The following DYRK4 variants were observed in gnomAD, a reference collection of about 807,000 sequenced individuals.
DYRK4 encodes the protein dual specificity tyrosine phosphorylation regulated kinase 4, also known as dual specificity tyrosine-phosphorylation-regulated kinase 4.
In DYRK4, 64 loss-of-function variants were observed where a neutral mutation model predicts 68.3. The ratio of observed to expected loss-of-function variants is 0.94; its 90% CI spans 0.77 to 1.15. DYRK4 has a LOEUF of 1.15. Ranked by LOEUF, DYRK4 falls within the 50% of genes most tolerant of loss-of-function variation. The pLI is 0.00. For synonymous variants in DYRK4, 274 were observed against 289.9 expected (o/e 0.95, Z 0.56); for missense variants, 740 against 764.7 (o/e 0.97, Z 0.38).
chr12:4,564,225 C>T (rs976821673), intron 1 of DYRK4, among the ~76,000 whole-genome samples: 3 of 151,936 alleles, frequency 2.0e-5, no homozygotes, highest in African/African-American at 7.3e-5. Flanking sequence ...CAATAGTAAA[C>T]AATAATCTAT....
chr12:4,602,979 T>A, intron 10 of DYRK4: 1 of 892,646 alleles, frequency 1.1e-6, no homozygotes, highest in Non-Finnish European at 1.8e-6. Context: ...TTTCACTCCC[T>A]TTTATCATTC....
chr12:4,596,836 A>G (rs2137377128), intron 8 of DYRK4, 107 bp downstream of exon 8: 1 of 1,566,568 alleles, frequency 6.4e-7, no homozygotes. Flanking sequence ...TTTAGTAACT[A>G]GAATGGACAT....
chr12:4,610,058 G>C (rs534600613), intron 12 of DYRK4, 97 bp from the exon 13 acceptor site: 10 of 1,109,990 alleles, frequency 9.0e-6, no homozygotes, highest in African/African-American at 3.2e-5. Context: ...GTAAGACAGA[G>C]AGCAAAAGAG....
intron 11 of DYRK4, among the ~76,000 whole-genome samples, chr12:4,606,254 G>A (rs1371187443): frequency 6.6e-6 from 1 of 152,080 alleles, no homozygotes; most frequent in Non-Finnish European, 1.5e-5. Flanking sequence ...AGTGAACAAA[G>A]ATATTTTGTG....
chr12:4,570,638 C>A (rs1005622245), intron 2 of DYRK4, among the ~76,000 whole-genome samples: 5 of 152,008 alleles, frequency 3.3e-5, no homozygotes, highest in African/African-American at 1.2e-4. Context: ...TGTCTACTGC[C>A]CCAAGCAGGT....
At chr12:4,605,728 G>GTTTTTTTTT (rs780888385) in intron 11 of DYRK4, among the ~76,000 whole-genome samples, 1 of 68,938 alleles carries the variant, frequency 1.5e-5, no homozygotes, top group African/African-American at 6.6e-5. Context: ...AATAGAGCTG[G>GTTTTTTTTT]GTTTTTTTTT....
At chr12:4,599,267 T>G in intron 9 of DYRK4, 101 bp downstream of exon 9, 1 of 1,015,372 alleles carries the variant, frequency 9.8e-7, no homozygotes, top group Non-Finnish European at 1.4e-6. Context: ...TAATTGCCTT[T>G]GACTTTTTTT....
intron 5 of DYRK4, 176 bp from the exon 6 acceptor site, chr12:4,592,826 C>T: frequency 3.1e-6 from 2 of 642,658 alleles, no homozygotes; most frequent in South Asian, 4.4e-5. Context: ...AAGACCTTGA[C>T]ATTTATTCTT....
At chr12:4,600,858 C>T (rs576003427) in intron 10 of DYRK4, among the ~76,000 whole-genome samples, 1 of 147,810 alleles carries the variant, frequency 6.8e-6, no homozygotes. Context: ...AGCCCCTTCC[C>T]CCTTCCTAGA....
intron 8 of DYRK4, among the ~76,000 whole-genome samples, chr12:4,597,649 C>A (rs889021407): frequency 6.6e-6 from 1 of 152,178 alleles, no homozygotes; most frequent in Admixed American, 6.5e-5. Flanking sequence ...CAGGGCTGTG[C>A]AGGGGGAGTC....
chr12:4,574,224 TAAAAAAA>T (rs58588899), intron 2 of DYRK4, among the ~76,000 whole-genome samples: 1 of 121,284 alleles, frequency 8.2e-6, no homozygotes, highest in South Asian at 3.0e-4. Context: ...GACTCCATCT[TAAAAAAA>T]AAAAAAAAAA....
At chr12:4,569,072 G>A (rs539921616) in intron 2 of DYRK4, among the ~76,000 whole-genome samples, 195 of 152,188 alleles carry the variant, frequency 1.3e-3, no homozygotes, top group Non-Finnish European at 2.0e-3. Flanking sequence ...ATGACTTTAG[G>A]TTTCCTCTTC....
chr12:4,583,576 G>T (rs1459771717), intron 2 of DYRK4, among the ~76,000 whole-genome samples: 3 of 152,048 alleles, frequency 2.0e-5, no homozygotes, highest in Admixed American at 1.3e-4. Flanking sequence ...TGTGTTTTTA[G>T]TAGAGACAGG....
At chr12:4,599,594 C>A in intron 9 of DYRK4, 113 bp from the exon 10 acceptor site, 1 of 716,630 alleles carries the variant, frequency 1.4e-6, no homozygotes, top group South Asian at 1.8e-5. Flanking sequence ...GGGAGGATGC[C>A]CATGGAGGTG....
rs199708828 is a variant in DYRK4, at chr12:4,599,826, A to G, written c.1126+38A>G. On this transcript the variant is annotated intron_variant, in intron 10 of 14. Coordinates refer to ENST00000543431, the MANE Select transcript of DYRK4 (RefSeq NM_001394779.1). ...TCAGTCCCATCATCTGAGTTTTCCT[A>G]TTGCAATTTCTCTCCCTTCACATAC... 166 of 1,576,090 alleles carry G rather than the reference A, an allele frequency of 1.1e-4. 1 individual carries two copies. The African/African-American group carries it at 2.1e-3, about 19-fold the overall frequency.
rs532246835 is a variant in DYRK4 at position 4,596,814 on chromosome 12, T to C, written c.905+85T>C. Reference sequence around the variant, plus strand: ...TTGAGGTCAGAACACTAGATTTCTCTGGATGTGAATATTTAGTAACTAGAA... The same window carrying C: ...TTGAGGTCAGAACACTAGATTTCTCCGGATGTGAATATTTAGTAACTAGAA... On this transcript the variant is annotated intron_variant, in intron 8 of 14. Coordinates refer to ENST00000543431, the MANE Select transcript of DYRK4 (RefSeq NM_001394779.1). 269 of 1,585,166 alleles carry C rather than the reference T, an allele frequency of 1.7e-4. 1 individual carries two copies. In the African/African-American group the frequency reaches 3.0e-3, roughly 18 times the overall value.
At chr12:4,569,757 G>A (rs917962278) in intron 2 of DYRK4, among the ~76,000 whole-genome samples, 1 of 151,628 alleles carries the variant, frequency 6.6e-6, no homozygotes, top group African/African-American at 2.4e-5. Context: ...CACCACACCC[G>A]ACCAAATCCG....
chr12:4,607,222 A>T, intron 11 of DYRK4, 105 bp from the exon 12 acceptor site: 1 of 1,300,850 alleles, frequency 7.7e-7, no homozygotes, highest in South Asian at 1.3e-5. Context: ...AATGCTTTGA[A>T]TCCTTATCTG....
At chr12:4,584,301 G>A (rs1054386169) in intron 2 of DYRK4, among the ~76,000 whole-genome samples, 5 of 152,192 alleles carry the variant, frequency 3.3e-5, no homozygotes, top group African/African-American at 7.2e-5. Context: ...CAGTAAATGC[G>A]TTAAGAATGA....
Sources: allele counts gnomAD v4.1 joint callset (sites outside exome capture counted in the v4.1 genomes callset), GRCh38; gene constraint gnomAD v4.1.1; transcripts MANE v1.5; gene names NCBI Gene and HGNC (gene_info 2026-07-23, HGNC 2026-07-21).